Variants in RUVBL1 observed in about 807,000 individuals in gnomAD.
The protein encoded by RUVBL1 is RuvB like AAA ATPase 1.
A neutral mutation model predicts 52.4 loss-of-function variants in RUVBL1; 4 were observed. The ratio of observed to expected loss-of-function variants is 0.08; its 90% confidence interval spans 0.04 to 0.17. The LOEUF is 0.17. Among genes scored for constraint, RUVBL1 ranks in the 10% least tolerant of loss-of-function variants. The pLI is 1.00. For synonymous variants in RUVBL1, 217 were observed against 214.4 expected (o/e 1.01, Z -0.10); for missense variants, 298 against 572.8 (o/e 0.52, Z 4.90).
intron 9 of RUVBL1, 138 bp downstream of exon 9, chr3:128,087,568 C>T (rs1180337457): frequency 3.3e-6 from 2 of 603,872 alleles, no homozygotes; most frequent in Admixed American, 3.0e-5. Flanking sequence ...AGTAATGTGA[C>T]TTGCTCGAGG....
intron 1 of RUVBL1, among the ~76,000 whole-genome samples, chr3:128,146,449 C>T (rs1368148920): frequency 1.7e-5 from 2 of 120,060 alleles, no homozygotes; most frequent in African/African-American, 6.5e-5. Flanking sequence ...TGTGCATGTG[C>T]GTCTGTGTAT....
intron 6 of RUVBL1, among the ~76,000 whole-genome samples, chr3:128,099,155 C>T (rs1434502124): frequency 6.6e-6 from 1 of 152,190 alleles, no homozygotes; most frequent in Non-Finnish European, 1.5e-5. Context: ...CAAGTATAAG[C>T]TCCGTGGGGC....
At chr3:128,069,035 CTG>C (rs1488467928) in intron 9 of RUVBL1, 1 of 153,922 alleles carries the variant, frequency 6.5e-6, no homozygotes, top group African/African-American at 2.4e-5. Context: ...ATTTACAGCA[CTG>C]TGCAGTAGAA....
intron 1 of RUVBL1, among the ~76,000 whole-genome samples, chr3:128,138,310 A>C (rs964188537): frequency 9.2e-5 from 14 of 152,124 alleles, no homozygotes; most frequent in African/African-American, 3.4e-4. Flanking sequence ...ATGCACACAC[A>C]CACAAACACA....
Position 128,067,680 on chromosome 3 carries a change from C to T in RUVBL1, c.940-2460G>A, listed in dbSNP as rs888274904. On this transcript the variant is annotated intron_variant, in intron 9 of 9. Coordinates refer to the RUVBL1 transcript ENST00000464873. This position sits in a 1 kb window ranked among gnomAD's most constrained non-coding sequence, Gnocchi z 4.1. ...ACTGGTATAAGGGGTGTGGACTTGT[C>T]ACCTCATCATAAATAATGGTCTGTG... The T allele has an allele frequency of 3.2e-5, 40 of 1,236,912 alleles. No homozygotes were observed. The highest frequency in any genetic ancestry group is 4.5e-5 in the Non-Finnish European group (39 of 870,624). 76.6% of individuals were successfully genotyped at this position (1,236,912 alleles called of 1,614,324 possible).
Position 128,081,027 on chromosome 3 carries a change from G to T in RUVBL1, c.*223C>A. 2.1e-6 allele frequency: 1 copy of T among 476,706 alleles called. No homozygotes were observed. Among genetic ancestry groups the T allele is most frequent in the Non-Finnish European group, 3.7e-6 (1 of 270,884 alleles). 29.5% of individuals were successfully genotyped at this position (476,706 alleles called of 1,614,324 possible). A position where few individuals can be genotyped will look rare whatever the true frequency, so the allele number is the denominator to read the frequency against. On this transcript the variant is annotated 3_prime_UTR_variant, in exon 11 of 11. Transcript: ENST00000322623. The surrounding 1 kb of genome is among the most constrained non-coding windows in gnomAD (Gnocchi z 4.8). The stretch of plus-strand genomic sequence containing the variant: ...GAGAGAGAGAATCAAAATAACCTAT[G>T]AAGATTTATAGAAAACACACCAGGT...
At chr3:128,078,814 G>C (rs1049982585), downstream of RUVBL1, 6 of 152,174 alleles carry the variant, frequency 3.9e-5, no homozygotes, top group African/African-American at 1.2e-4. Flanking sequence ...AACTTCGCCC[G>C]GAAGATTAAT....
At chr3:128,125,318 C>T (rs1449936721), upstream of RUVBL1, among the ~76,000 whole-genome samples, 2 of 152,074 alleles carry the variant, frequency 1.3e-5, no homozygotes, top group Non-Finnish European at 2.9e-5. Context: ...CCCGGCCTCT[C>T]ACACCTCCTT....
intron 9 of RUVBL1, among the ~76,000 whole-genome samples, chr3:128,072,358 C>G (rs1942189088): frequency 6.6e-6 from 1 of 152,220 alleles, no homozygotes; most frequent in Non-Finnish European, 1.5e-5. Flanking sequence ...CAGGCCTGAC[C>G]AGGGCTGTGG....
At chr3:128,128,519 C>T (rs1455263128), upstream of RUVBL1, among the ~76,000 whole-genome samples, 13 of 152,188 alleles carry the variant, frequency 8.5e-5, no homozygotes, top group Non-Finnish European at 1.6e-4. Flanking sequence ...TGCTCAAACT[C>T]CTCCCAAAAG....
At chr3:128,123,869 C>A, upstream of RUVBL1, 5 of 1,338,566 alleles carry the variant, frequency 3.7e-6, no homozygotes, top group Non-Finnish European at 4.8e-6. Context: ...AGCGGGAACA[C>A]CTCCGCTCTC....
At chr3:128,145,910 A>T (rs1188524915) in intron 1 of RUVBL1, among the ~76,000 whole-genome samples, 3 of 152,206 alleles carry the variant, frequency 2.0e-5, no homozygotes, top group African/African-American at 7.2e-5. Context: ...TGGAGATAAC[A>T]TTTATTGAGC....
rs1437596050 is a variant in RUVBL1 at position 128,150,879 on chromosome 3, C to A, written c.-40+2324G>T. ...ATATTATATATTATATATATATATT[C>A]TATATATATATTCTATATATATAAT... On this transcript the variant is annotated intron_variant, in intron 1 of 9. Transcript: ENST00000464873. 3.9e-4 allele frequency among the ~76,000 whole-genome samples: 29 copies of A among 74,278 alleles called. 1 individual carries two copies. The highest frequency in any genetic ancestry group is 1.1e-3 in the East Asian group (3 of 2,652). The allele number at this position is 74,278 out of a possible 152,430, so 48.7% of individuals were successfully genotyped here. A position where few individuals can be genotyped will look rare whatever the true frequency, so the allele number is the denominator to read the frequency against.
chr3:128,108,026 C>G (rs1388014571), intron 3 of RUVBL1, among the ~76,000 whole-genome samples: 3 of 152,142 alleles, frequency 2.0e-5, no homozygotes, highest in African/African-American at 7.2e-5. Context: ...GACAATGAAA[C>G]CGGCTGTTAG....
At chr3:128,108,059 G>A (rs1943289852) in intron 3 of RUVBL1, among the ~76,000 whole-genome samples, 1 of 152,214 alleles carries the variant, frequency 6.6e-6, no homozygotes, top group South Asian at 2.1e-4. Flanking sequence ...CTGAGCTGGC[G>A]CTATCTCTGG....
chr3:128,083,407 G>A (rs1261185899), intron 9 of RUVBL1: 1 of 152,224 alleles, frequency 6.6e-6, no homozygotes, highest in East Asian at 1.9e-4. Context: ...AGGCACAGGA[G>A]CTGGGAAAGA....
intron 9 of RUVBL1, among the ~76,000 whole-genome samples, chr3:128,086,815 G>A (rs1477614497): frequency 6.6e-6 from 1 of 152,254 alleles, no homozygotes; most frequent in Non-Finnish European, 1.5e-5. Flanking sequence ...CAAGCAAGAG[G>A]CAATTCCTAC....
At chr3:128,133,573 G>C (rs1943910206) in intron 1 of RUVBL1, among the ~76,000 whole-genome samples, 1 of 152,214 alleles carries the variant, frequency 6.6e-6, no homozygotes, top group African/African-American at 2.4e-5. Flanking sequence ...GGAAAGTACG[G>C]GAAGAGAACA....
At chr3:128,133,364 G>A (rs541781295) in intron 1 of RUVBL1, among the ~76,000 whole-genome samples, 22 of 152,178 alleles carry the variant, frequency 1.4e-4, no homozygotes, top group Non-Finnish European at 2.9e-4. Context: ...TTCACCAGAT[G>A]CTGATTTTAG....
Sources: allele counts gnomAD v4.1 joint callset (sites outside exome capture counted in the v4.1 genomes callset), GRCh38; gene constraint gnomAD v4.1.1; non-coding constraint Gnocchi (gnomAD v3.1); transcripts MANE v1.5; gene names NCBI Gene and HGNC (gene_info 2026-07-23, HGNC 2026-07-21).